The following POLM variants were observed in gnomAD, a reference collection of about 807,000 sequenced individuals.
POLM encodes DNA polymerase mu.
A neutral mutation model predicts 56.7 loss-of-function variants in POLM; 52 were observed. That is an observed-to-expected ratio of 0.92 (90% CI 0.73 to 1.15). POLM has a LOEUF of 1.15. Ranked by LOEUF, POLM falls within the 50% of genes most tolerant of loss-of-function variation. The pLI, the probability that POLM is intolerant of heterozygous loss-of-function variation, is 0.00. For synonymous variants in POLM, 273 were observed against 274.3 expected, an observed-to-expected ratio of 1.00 and a Z score of 0.05; for missense variants, 660 against 663.6, an observed-to-expected ratio of 0.99 and a Z score of 0.06.
chr7:44,082,396 C>G lies in POLM; in HGVS notation c.43G>C (p.Gly15Arg). ...RRRARVGSPS[G>R]DAASSTPPST... ...GGCGGCGTGGAGGAAGCGGCATCGC[C>G]GCTAGGGGACCCGACCCGCGCTCGC... Residue 15 changes from glycine to arginine, a missense_variant, in exon 1 of 11, where the codon GGC becomes CGC. Transcript: ENST00000242248. 4 of 1,505,474 alleles carry G rather than the reference C, an allele frequency of 2.7e-6. No individual in the cohort carries two copies. Among genetic ancestry groups the G allele is most frequent in the Non-Finnish European group, 3.5e-6 (4 of 1,136,788 alleles). The allele number at this position is 1,505,474 out of a possible 1,614,324, so 93.3% of individuals were successfully genotyped here.
In POLM at chr7:44,074,008, G is replaced by C. The variant is rs1268552848; in HGVS notation, c.1089C>G (p.His363Gln). ...RLQDQGLILY[H>Q]QHQHSCCESP... is the part of the protein sequence containing the mutation. ...ACTCACAGCAGCTGTGCTGGTGCTG[G>C]TGGTACAGGATGAGGCCCTGTGGGG... is the stretch of plus-strand genomic sequence containing the variant. The change falls in exon 9 of 11, where the codon CAC becomes CAG. Residue 363 changes from histidine (H) to glutamine (Q), a missense_variant. Transcript: ENST00000242248. 1.9e-6 allele frequency: 3 copies of C among 1,614,038 alleles called. No individual in the cohort carries two copies. Among genetic ancestry groups the C allele is most frequent in the Non-Finnish European group, 2.5e-6 (3 of 1,180,046 alleles).
Position 44,074,136 on chromosome 7 carries a change from C to T in POLM, c.1066G>A (p.Asp356Asn). Reference protein sequence around the residue: ...LLPRVMCRLQDQGLILYHQHQ... With the variant: ...LLPRVMCRLQNQGLILYHQHQ... ...GGGAGCAGGGAGGCCCTCACCTGGT[C>T]CTGCAGGCGGCACATCACTCTAGGC... Residue 356 changes from aspartate (D) to asparagine (N), a missense_variant, in exon 8 of 11, where the codon GAC becomes AAC. Asp to Asn is a conservative substitution (Grantham distance 23). Coordinates refer to ENST00000242248, the MANE Select transcript of POLM (RefSeq NM_013284.4). 2 of 1,604,774 alleles carry T rather than the reference C, an allele frequency of 1.2e-6. No individual in the cohort carries two copies. The highest frequency in any genetic ancestry group is 1.7e-6 in the Non-Finnish European group (2 of 1,177,264).
rs534693080 is a variant in POLM at position 44,078,654 on chromosome 7, T to A, written c.714+86A>T. ...CCCTGGGCTGGGTCAGCTGCCCCTGTTTGCCTCCCCGTGCATGGTGTGGAC... is the reference window on the plus strand; with the variant it reads ...CCCTGGGCTGGGTCAGCTGCCCCTGATTGCCTCCCCGTGCATGGTGTGGAC... On this transcript the variant is annotated intron_variant, in intron 5 of 10. Coordinates refer to ENST00000242248, the MANE Select transcript of POLM (RefSeq NM_013284.4). 54 of 1,267,990 alleles carry A rather than the reference T, an allele frequency of 4.3e-5. No homozygotes were observed. The African/African-American group carries it at 7.6e-4, about 18-fold the overall frequency. The allele number at this position is 1,267,990 out of a possible 1,614,324, so 78.5% of individuals were successfully genotyped here. A position where few individuals can be genotyped will look rare whatever the true frequency, so the allele number is the denominator to read the frequency against.
chr7:44,076,835 C>A (rs1424102652), intron 5 of POLM: 2 of 585,040 alleles, frequency 3.4e-6, no homozygotes, highest in Non-Finnish European at 6.1e-6. Flanking sequence ...AACCCACGCA[C>A]ACCCCTCTCC....
chr7:44,077,461 T>C (rs2096186931), intron 5 of POLM, among the ~76,000 whole-genome samples: 1 of 152,202 alleles, frequency 6.6e-6, no homozygotes, highest in East Asian at 1.9e-4. Flanking sequence ...TCACTGTCAC[T>C]TGCAACCCAA....
rs745933237 is a variant in POLM at position 44,080,814 on chromosome 7, T to TG, written c.290dup (p.Ala98SerfsTer73). The TG allele has an allele frequency of 4.0e-5, 65 of 1,613,400 alleles. No individual in the cohort carries two copies. Among genetic ancestry groups the TG allele is most frequent in the East Asian group, 2.2e-4 (10 of 44,896 alleles). ...TTAACCAGCTTATGTCCAGCAGAGC[T>TG]GGGGGGGTGCAACCCGGGGGAGCAG... On this transcript the variant is annotated frameshift_variant, in exon 2 of 11. Coordinates refer to ENST00000242248, the MANE Select transcript of POLM (RefSeq NM_013284.4). LOFTEE classifies it high-confidence loss of function.
chr7:44,076,507 A>G lies in POLM; in HGVS notation c.835+2T>C. Reference sequence around the variant, plus strand: ...AGGGCCCAGCCTCTCTGGAGGGCTCACCCGCTTTCTGCTGTTGGGTTAGTT... The same window carrying G: ...AGGGCCCAGCCTCTCTGGAGGGCTCGCCCGCTTTCTGCTGTTGGGTTAGTT... On this transcript the variant is annotated splice_donor_variant, in intron 6 of 10. Coordinates refer to ENST00000242248, the MANE Select transcript of POLM (RefSeq NM_013284.4). LOFTEE classifies it high-confidence loss of function. The G allele has an allele frequency of 6.2e-7, 1 of 1,613,092 alleles. No individual in the cohort carries two copies. Among genetic ancestry groups the G allele is most frequent in the Non-Finnish European group, 8.5e-7 (1 of 1,179,868 alleles).
rs1165054973 is a variant in POLM, at chr7:44,080,901, A to G, written c.204T>C (p.His68=). ...VLDACSSEAT[H]VVMEETSAEE... is the part of the protein sequence containing the mutation. ...CTGCTGAGGTCTCTTCCATCACAAC[A>G]TGTGTCGCTTCGGAGCTGGTGGAGG... The change falls in exon 2 of 11, where the codon CAT becomes CAC. Residue 68 remains histidine (H), a synonymous_variant. Transcript: ENST00000242248. 2 of 1,574,808 alleles carry G rather than the reference A, an allele frequency of 1.3e-6. No individual in the cohort carries two copies. Among genetic ancestry groups the G allele is most frequent in the Non-Finnish European group, 1.7e-6 (2 of 1,161,100 alleles).
intron 2 of POLM, 143 bp downstream of exon 2, chr7:44,080,590 C>A: frequency 1.1e-6 from 1 of 880,722 alleles, no homozygotes; most frequent in Non-Finnish European, 1.8e-6. Flanking sequence ...TAGGGGGCCC[C>A]TGGTGATCTG....
At position 44,080,824 on chromosome 7, in the gene POLM, C is replaced by A; in HGVS notation, c.281G>T (p.Cys94Phe). The change falls in exon 2 of 11, where the codon TGC (cysteine) becomes TTC (phenylalanine). Residue 94 changes from cysteine (C) to phenylalanine (F), a missense_variant. By Grantham distance (205) the Cys-to-Phe change is radical. Coordinates refer to ENST00000242248, the MANE Select transcript of POLM (RefSeq NM_013284.4). The stretch of plus-strand genomic sequence containing the variant: ...TATGTCCAGCAGAGCTGGGGGGGTG[C>A]AACCCGGGGGAGCAGCTGCCATCCT... The part of the protein sequence containing the change: ...ERRMAAAPPG[C>F]TPPALLDISW... 1 of 1,613,212 alleles carries A rather than the reference C, an allele frequency of 6.2e-7. No individual in the cohort carries two copies. The highest frequency in any genetic ancestry group is 1.1e-5 in the South Asian group (1 of 91,000).
rs145947306 is a variant in POLM at position 44,074,419 on chromosome 7, G to C, written c.947C>G (p.Thr316Arg). The C allele has an allele frequency of 3.8e-6, 6 of 1,560,718 alleles. No homozygotes were observed. Among genetic ancestry groups the C allele is most frequent in the East Asian group, 2.4e-5 (1 of 41,800 alleles). The change falls in exon 7 of 11, where the codon ACG (threonine) becomes AGG (arginine). Residue 316 changes from threonine (T) to arginine (R), a missense_variant. Physicochemically the swap from Thr to Arg is moderately conservative, Grantham distance 71. Coordinates refer to ENST00000242248, the MANE Select transcript of POLM (RefSeq NM_013284.4). ...TTACCTGCGGAAGCCGCCGGTCAGC[G>C]TGACGGTGGCCCCAGGCAGGGCCTG... Reference protein sequence around the residue: ...VGQALPGATVTLTGGFRRGKL... With the variant: ...VGQALPGATVRLTGGFRRGKL...
At position 44,073,867 on chromosome 7, in the gene POLM, T is replaced by C. The variant is rs2096175566; in HGVS notation, c.1230A>G (p.Pro410=). 4 of 1,614,190 alleles carry C rather than the reference T, an allele frequency of 2.5e-6. No individual in the cohort carries two copies. The East Asian group carries it at 8.9e-5, about 36-fold the overall frequency. ...AGTCCACTCTCACGGCCTTCCAGGA[T>C]GGGCAGGGCCTCGTGGATCCCCCCA... ...AAVGGSTRPC[P]SWKAVRVDLV... Residue 410 remains proline, a synonymous_variant, in exon 9 of 11, where the codon CCA becomes CCG. Coordinates refer to ENST00000242248, the MANE Select transcript of POLM (RefSeq NM_013284.4).
chr7:44,078,406 C>G lies in POLM; in HGVS notation c.714+334G>C, dbSNP rs56111072. On this transcript the variant is annotated intron_variant, in intron 5 of 10. Coordinates refer to ENST00000242248, the MANE Select transcript of POLM (RefSeq NM_013284.4). ...GTTTGAGCCCAGGAAGTCAAGGCTG[C>G]CGTGAGCTGTGATCGCACCACTGTA... The G allele has an allele frequency of 1.8e-4, 46 of 254,456 alleles. No homozygotes were observed. The East Asian group carries it at 3.7e-3, about 20-fold the overall frequency. 15.8% of individuals were successfully genotyped at this position (254,456 alleles called of 1,614,324 possible).
chr7:44,075,308 T>G (rs1033825505), intron 6 of POLM, among the ~76,000 whole-genome samples: 2 of 152,174 alleles, frequency 1.3e-5, no homozygotes, highest in African/African-American at 2.4e-5. Flanking sequence ...CCTCGGCCTC[T>G]CAAAGTGCTG....
chr7:44,074,485 T>TCGGAC lies in POLM; in HGVS notation c.876_880dup (p.Asp294GlyfsTer4). 1 of 1,598,162 alleles carries TCGGAC rather than the reference T, an allele frequency of 6.3e-7. No homozygotes were observed. The highest frequency in any genetic ancestry group is 1.1e-5 in the South Asian group (1 of 87,986). ...CACCACCTGCTGCAGGGCATCTACATCGGACCGCAGGACTGGGGTGCTCAG... is the reference window on the plus strand; with the variant it reads ...CACCACCTGCTGCAGGGCATCTACATCGGACCGGACCGCAGGACTGGGGTGCTCAG... On this transcript the variant is annotated frameshift_variant, in exon 7 of 11. Transcript: ENST00000242248. LOFTEE classifies it high-confidence loss of function.
chr7:44,074,361 T>C (rs1348194495), intron 7 of POLM, 37 bp downstream of exon 7: 1 of 1,550,568 alleles, frequency 6.4e-7, no homozygotes, highest in East Asian at 2.4e-5. Context: ...GGGAGGGGTC[T>C]GAAGCCAAGC....
chr7:44,074,875 C>G (rs2096179566), intron 6 of POLM, among the ~76,000 whole-genome samples: 1 of 152,228 alleles, frequency 6.6e-6, no homozygotes, highest in South Asian at 2.1e-4. Flanking sequence ...TATAAGGATA[C>G]TGATGTTGAT....
intron 1 of POLM, among the ~76,000 whole-genome samples, 183 bp downstream of exon 1, chr7:44,082,068 C>A (rs924617940): frequency 6.6e-6 from 1 of 152,208 alleles, no homozygotes; most frequent in South Asian, 2.1e-4. Flanking sequence ...TTACCCCTGA[C>A]CTCTGGTTTT....
At position 44,080,766 on chromosome 7, in the gene POLM, C is replaced by A. The variant is rs759876156; in HGVS notation, c.339G>T (p.Gln113His). The A allele has an allele frequency of 3.7e-6, 6 of 1,614,128 alleles. No homozygotes were observed. The highest frequency in any genetic ancestry group is 5.1e-6 in the Non-Finnish European group (6 of 1,180,034). The change falls in exon 2 of 11, where the codon CAG becomes CAT. Residue 113 changes from glutamine to histidine, a missense_variant. Gln to His is a conservative substitution (Grantham distance 24). Coordinates refer to ENST00000242248, the MANE Select transcript of POLM (RefSeq NM_013284.4). ...SWLTESLGAG[Q>H]PVPVECRHRL... ...GGTGCCGGCACTCCACAGGTACAGGCTGCCCAGCTCCCAGGCTCTCTGTTA... is the reference window on the plus strand; with the variant it reads ...GGTGCCGGCACTCCACAGGTACAGGATGCCCAGCTCCCAGGCTCTCTGTTA...
Sources: gnomAD v4.1 joint callset for allele counts (sites outside exome capture counted in the v4.1 genomes callset) on GRCh38, gnomAD v4.1.1 for gene constraint, MANE v1.5 for transcripts, NCBI Gene and HGNC (gene_info 2026-07-23, HGNC 2026-07-21) for gene names.